PTPRD: variants seen among roughly 807,000 people sequenced by gnomAD.
PTPRD encodes the protein protein tyrosine phosphatase receptor type D.
A neutral mutation model predicts 214.5 loss-of-function variants in PTPRD; 34 were observed. The observed-to-expected ratio is 0.16, with a 90% CI of 0.12 to 0.21. PTPRD has a LOEUF of 0.21. Among genes scored for constraint, PTPRD ranks in the 10% least tolerant of loss-of-function variants. The probability of loss-of-function intolerance (pLI) is 1.00; values close to 1 mark genes in which losing one functional copy is unlikely to be tolerated. For synonymous variants in PTPRD, 1,128 were observed against 845.7 expected (o/e 1.33, Z -5.79); for missense variants, 2,545 against 2,398.7 (o/e 1.06, Z -1.27).
intron 12 of PTPRD, among the ~76,000 whole-genome samples, chr9:8,677,158 A>G (rs1024418160): frequency 7.2e-5 from 11 of 152,200 alleles, no homozygotes; most frequent in African/African-American, 1.4e-4. Context: ...GTTCCACTTA[A>G]TAATTTCTAA....
intron 7 of PTPRD, among the ~76,000 whole-genome samples, chr9:9,637,758 C>T (rs1018156479): frequency 2.0e-5 from 3 of 152,194 alleles, no homozygotes; most frequent in Admixed American, 6.5e-5. Flanking sequence ...TGAGAACTCT[C>T]TGTGGTAGCC....
intron 2 of PTPRD, among the ~76,000 whole-genome samples, chr9:10,567,911 C>A (rs1346959743): frequency 3.3e-5 from 5 of 150,812 alleles, no homozygotes; most frequent in East Asian, 1.9e-4. Context: ...AATAATATAT[C>A]ATTGTTTTAT....
chr9:8,712,665 A>T (rs1161256467), intron 12 of PTPRD, among the ~76,000 whole-genome samples: 1 of 147,674 alleles, frequency 6.8e-6, no homozygotes, highest in Non-Finnish European at 1.5e-5. Context: ...ATTCTACTGT[A>T]TTCAGTCTTT....
At chr9:10,532,341 T>C (rs2056593445) in intron 2 of PTPRD, 1 of 153,650 alleles carries the variant, frequency 6.5e-6, no homozygotes, top group Non-Finnish European at 1.4e-5. Context: ...TGTAGTCATG[T>C]AGTAGTTAAG....
chr9:8,524,363 T>C (rs1418068805), intron 18 of PTPRD, among the ~76,000 whole-genome samples: 3 of 152,218 alleles, frequency 2.0e-5, no homozygotes, highest in Non-Finnish European at 4.4e-5. Flanking sequence ...TGAATACACA[T>C]GTATATATAA....
chr9:8,874,569 C>A (rs2098358920), intron 11 of PTPRD, among the ~76,000 whole-genome samples: 1 of 152,178 alleles, frequency 6.6e-6, no homozygotes, highest in Non-Finnish European at 1.5e-5. Flanking sequence ...CTTGGTGCCT[C>A]TGGCCAGCCA....
chr9:9,469,886 T>C (rs913656508), intron 8 of PTPRD, among the ~76,000 whole-genome samples: 3 of 152,310 alleles, frequency 2.0e-5, no homozygotes, highest in Non-Finnish European at 4.4e-5. Flanking sequence ...CGTAAGTTCA[T>C]AAAACCATTC....
chr9:9,838,954 G>A (rs1565660872), intron 5 of PTPRD, among the ~76,000 whole-genome samples: 1 of 152,028 alleles, frequency 6.6e-6, no homozygotes, highest in Non-Finnish European at 1.5e-5. Flanking sequence ...TAAGGTGTAA[G>A]GAAGGGATCC....
intron 2 of PTPRD, among the ~76,000 whole-genome samples, chr9:10,351,457 A>G (rs1290694167): frequency 6.6e-6 from 1 of 152,098 alleles, no homozygotes; most frequent in Non-Finnish European, 1.5e-5. Context: ...GGATTTGTTC[A>G]AATGGGACCT....
intron 4 of PTPRD, among the ~76,000 whole-genome samples, chr9:9,984,835 G>A (rs1441412801): frequency 6.6e-6 from 1 of 151,964 alleles, no homozygotes; most frequent in Non-Finnish European, 1.5e-5. Flanking sequence ...GTGCATTCTG[G>A]GAGCATGGCT....
At chr9:10,175,571 G>C (rs1442098047) in intron 3 of PTPRD, among the ~76,000 whole-genome samples, 1 of 151,960 alleles carries the variant, frequency 6.6e-6, no homozygotes, top group East Asian at 1.9e-4. Flanking sequence ...TGAATGTAAT[G>C]GAAAACCTTG....
At chr9:10,416,658 C>T (rs943705228) in intron 2 of PTPRD, among the ~76,000 whole-genome samples, 1 of 151,698 alleles carries the variant, frequency 6.6e-6, no homozygotes, top group Middle Eastern at 3.4e-3. Context: ...GAGTTTTTTT[C>T]TTACTGTTGT....
At chr9:9,169,885 A>C (rs16929008) in intron 10 of PTPRD, among the ~76,000 whole-genome samples, 4,110 of 152,210 alleles carry the variant, frequency 0.027, 194 homozygotes, top group African/African-American at 0.095. Context: ...TTTCATTACA[A>C]ATACTCAGCC....
chr9:10,157,615 GA>G (rs2099101609), intron 3 of PTPRD, among the ~76,000 whole-genome samples: 1 of 151,922 alleles, frequency 6.6e-6, no homozygotes, highest in Non-Finnish European at 1.5e-5. Flanking sequence ...ATGTGACTTG[GA>G]AATGATCTTC....
chr9:10,343,674 T>C (rs1412655445), intron 2 of PTPRD, among the ~76,000 whole-genome samples: 1 of 152,186 alleles, frequency 6.6e-6, no homozygotes, highest in Non-Finnish European at 1.5e-5. Flanking sequence ...CCATTCTAAC[T>C]GGAGTAAGAT....
chr9:9,446,128 C>G (rs546358686), intron 8 of PTPRD, among the ~76,000 whole-genome samples: 146 of 152,208 alleles, frequency 9.6e-4, no homozygotes, highest in African/African-American at 3.4e-3. Context: ...TTGCACGTGG[C>G]ACCTCCAAGA....
At chr9:8,347,645 G>T (rs145680673) in intron 39 of PTPRD, among the ~76,000 whole-genome samples, 1 of 152,244 alleles carries the variant, frequency 6.6e-6, no homozygotes, top group East Asian at 1.9e-4. Context: ...CTAACCCCCA[G>T]TGTGACTGTA....
intron 9 of PTPRD, among the ~76,000 whole-genome samples, chr9:9,386,868 A>T (rs1227573562): frequency 1.3e-5 from 2 of 152,162 alleles, no homozygotes; most frequent in African/African-American, 2.4e-5. Context: ...CTGAAGGTCC[A>T]TCTCAGGCTC....
intron 9 of PTPRD, among the ~76,000 whole-genome samples, chr9:9,218,378 C>T (rs2099953650): frequency 6.6e-6 from 1 of 152,156 alleles, no homozygotes; most frequent in South Asian, 2.1e-4. Context: ...AATGTTAAAA[C>T]AAGACTAGTG....
Sources: allele counts gnomAD v4.1 joint callset (sites outside exome capture counted in the v4.1 genomes callset), GRCh38; gene constraint gnomAD v4.1.1; transcripts MANE v1.5; gene names NCBI Gene and HGNC (gene_info 2026-07-23, HGNC 2026-07-21).